Variants in NOMO1 observed in about 807,000 individuals in gnomAD.
NOMO1 encodes NODAL modulator 1.
In NOMO1, 40 loss-of-function variants were observed where a neutral mutation model predicts 133.8. The ratio of observed to expected loss-of-function variants is 0.30; its 90% CI spans 0.23 to 0.39. The LOEUF (loss-of-function observed/expected upper bound fraction) is 0.39. Ranked by LOEUF, NOMO1 falls within the 10% of genes least tolerant of loss-of-function variation. The pLI, the probability that NOMO1 is intolerant of heterozygous loss-of-function variation, is 1.00. For missense variants in NOMO1, 462 were observed against 1,419.9 expected, an observed-to-expected ratio of 0.33 and a Z score of 10.84; for synonymous variants, 236 against 570.5, an observed-to-expected ratio of 0.41 and a Z score of 8.36.
At chr16:14,843,034 C>T (rs1963629150) in intron 3 of NOMO1, among the ~76,000 whole-genome samples, 1 of 137,088 alleles carries the variant, frequency 7.3e-6, no homozygotes, top group South Asian at 2.4e-4. Context: ...TCTTGTGCCT[C>T]AGCCTCCTCA....
Position 14,878,997 on chromosome 16 carries a change from C to G in NOMO1, c.2757+163C>G, listed in dbSNP as rs1056340990. Among the ~76,000 whole-genome samples the G allele has an allele frequency of 8.5e-5, 13 of 152,058 alleles. 1 individual carries two copies. The highest frequency in any genetic ancestry group is 7.9e-4 in the Admixed American group (12 of 15,284). On this transcript the variant is annotated intron_variant, in intron 23 of 30. Transcript: ENST00000287667. Reference sequence around the variant, plus strand: ...CGGTCATTAGAGTATTGCTCTTACTCGAACTTAATGCTGCTGATTCATGTT... The same window carrying G: ...CGGTCATTAGAGTATTGCTCTTACTGGAACTTAATGCTGCTGATTCATGTT...
intron 7 of NOMO1, chr16:14,853,036 T>A (rs1444521758): frequency 9.9e-6 from 2 of 201,230 alleles, no homozygotes; most frequent in Non-Finnish European, 1.9e-5. Flanking sequence ...ATCATGTGTC[T>A]CTGTTGACTC....
rs542691527 is a variant in NOMO1, at chr16:14,840,623, G to A, written c.256-739G>A. Among the ~76,000 whole-genome samples, 176 of 150,804 alleles carry A rather than the reference G, an allele frequency of 1.2e-3. 2 individuals carry two copies. The highest frequency in any genetic ancestry group is 4.2e-3 in the African/African-American group (172 of 40,812). On this transcript the variant is annotated intron_variant, in intron 2 of 30. Coordinates refer to ENST00000287667, the MANE Select transcript of NOMO1 (RefSeq NM_014287.4). ...ACTAAAACAAAAACAAAGAAACCAGGGTTGATAAGTAAAATCTAGTTTTAT... is the reference window on the plus strand; with the variant it reads ...ACTAAAACAAAAACAAAGAAACCAGAGTTGATAAGTAAAATCTAGTTTTAT...
At chr16:14,886,635 T>C in intron 27 of NOMO1, 126 bp from the exon 28 acceptor site, 11 of 1,465,234 alleles carry the variant, frequency 7.5e-6, no homozygotes, top group Non-Finnish European at 2.8e-6. Context: ...GGAGGGAGCT[T>C]TCTTTTTCAA....
At chr16:14,882,460 C>G in intron 25 of NOMO1, 134 bp from the exon 26 acceptor site, 2 of 1,152,472 alleles carry the variant, frequency 1.7e-6, no homozygotes, top group Admixed American at 4.2e-5. Context: ...TTAAGGTTAA[C>G]AGGCCACAGA....
At chr16:14,875,558 G>A (rs1597109249) in intron 20 of NOMO1, 136 bp downstream of exon 20, 1 of 937,396 alleles carries the variant, frequency 1.1e-6, no homozygotes, top group Non-Finnish European at 1.7e-6. Flanking sequence ...GCACACAGAT[G>A]TTACTGTTGG....
chr16:14,860,641 A>T (rs921198468), intron 11 of NOMO1, among the ~76,000 whole-genome samples: 8 of 152,016 alleles, frequency 5.3e-5, no homozygotes, highest in South Asian at 2.1e-4. Context: ...TGTTGAGGTT[A>T]CAGGTTTCTT....
rs534988940 is a variant in NOMO1, at chr16:14,846,575, A to G, written c.403-2A>G. 1,841 of 937,880 alleles carry G rather than the reference A, an allele frequency of 2.0e-3. 7 individuals are homozygous for G. The highest frequency in any genetic ancestry group is 1.7e-3 in the Non-Finnish European group (1,061 of 628,312). The allele number at this position is 937,880 out of a possible 1,614,324, so 58.1% of individuals were successfully genotyped here. ...GGGCCCTAACTTTCTTCTCCATGGC[A>G]GGTCCTCAGCAAAGGGCAGCCCCTG... On this transcript the variant is annotated splice_acceptor_variant, in intron 4 of 30. Coordinates refer to ENST00000287667, the MANE Select transcript of NOMO1 (RefSeq NM_014287.4). LOFTEE classifies it high-confidence loss of function.
Position 14,857,598 on chromosome 16 carries a change from C to T in NOMO1, c.1163C>T (p.Thr388Met), listed in dbSNP as rs757016366. 4.5e-5 allele frequency: 72 copies of T among 1,612,918 alleles called. No homozygotes were observed. The highest frequency in any genetic ancestry group is 1.5e-4 in the Admixed American group (9 of 59,912). ...CAGAAAGAGCACCTCTACTTTGAAA[C>T]GGTCACCATCAAAATTGCACCGAAC... is the stretch of plus-strand genomic sequence containing the variant. ...HAQKEHLYFE[T>M]VTIKIAPNTP... is the part of the protein sequence containing the mutation. The change falls in exon 11 of 31, where the codon ACG becomes ATG. Residue 388 changes from threonine to methionine, a missense_variant. Physicochemically the swap from Thr to Met is moderately conservative, Grantham distance 81. Transcript: ENST00000287667.
chr16:14,874,218 G>A (rs975827763), intron 18 of NOMO1, among the ~76,000 whole-genome samples: 8 of 151,608 alleles, frequency 5.3e-5, no homozygotes, highest in Admixed American at 3.9e-4. Context: ...ACCATTCCTC[G>A]ACTGAAAACT....
At chr16:14,888,359 TG>T (rs1964357255) in intron 28 of NOMO1, 1 of 149,064 alleles carries the variant, frequency 6.7e-6, no homozygotes, top group South Asian at 2.2e-4. Flanking sequence ...ACACTTCCCC[TG>T]AGTTCAGAGC....
At chr16:14,856,514 C>T (rs1358154893) in intron 9 of NOMO1, among the ~76,000 whole-genome samples, 2 of 151,660 alleles carry the variant, frequency 1.3e-5, no homozygotes, top group Non-Finnish European at 2.9e-5. Context: ...CGAGTTGAAG[C>T]GATTCTCCTG....
chr16:14,872,832 G>A (rs1964099004), intron 18 of NOMO1, among the ~76,000 whole-genome samples: 1 of 148,564 alleles, frequency 6.7e-6, no homozygotes, highest in Admixed American at 6.8e-5. Flanking sequence ...TTTTTGCAGT[G>A]TGGTGAGGTA....
chr16:14,878,493 CAAA>C (rs1184163940), intron 22 of NOMO1, among the ~76,000 whole-genome samples: 87 of 38,942 alleles, frequency 2.2e-3, no homozygotes, highest in Middle Eastern at 0.011. Context: ...GACCCTGTCT[CAAA>C]AAAAAAAAAA....
chr16:14,866,438 T>C, intron 14 of NOMO1, 117 bp from the exon 15 acceptor site: 2 of 1,587,784 alleles, frequency 1.3e-6, no homozygotes, highest in South Asian at 2.3e-5. Context: ...TATCTTTATG[T>C]CTACATACAC....
chr16:14,845,812 T>TTTTTTA (rs1041593783), intron 4 of NOMO1, among the ~76,000 whole-genome samples: 33 of 150,832 alleles, frequency 2.2e-4, no homozygotes, highest in East Asian at 1.6e-3. Flanking sequence ...TGGTGAATCT[T>TTTTTTA]TTTTTATTTT....
At chr16:14,882,943 G>C (rs1646813501) in intron 26 of NOMO1, among the ~76,000 whole-genome samples, 1 of 152,048 alleles carries the variant, frequency 6.6e-6, no homozygotes, top group Non-Finnish European at 1.5e-5. Context: ...TCATTATTCT[G>C]CAAGTTAAGG....
intron 23 of NOMO1, among the ~76,000 whole-genome samples, chr16:14,879,731 C>T (rs545903933): frequency 7.1e-6 from 1 of 141,286 alleles, no homozygotes; most frequent in Admixed American, 7.0e-5. Context: ...AGAGTCAGGC[C>T]CTGTCTCAGA....
chr16:14,875,662 GATAA>G (rs1251806374), intron 20 of NOMO1, among the ~76,000 whole-genome samples: 15 of 152,082 alleles, frequency 9.9e-5, no homozygotes, highest in Admixed American at 2.0e-4. Context: ...GAATGATTTA[GATAA>G]ATAAAAGTAA....
Sources: gnomAD v4.1 joint callset for allele counts (sites outside exome capture counted in the v4.1 genomes callset) on GRCh38, gnomAD v4.1.1 for gene constraint, MANE v1.5 for transcripts, NCBI Gene and HGNC (gene_info 2026-07-23, HGNC 2026-07-21) for gene names.